Variants in ZFC3H1 observed in about 807,000 individuals in gnomAD.
ZFC3H1 encodes the protein zinc finger C3H1-type containing.
ZFC3H1 carries 71 observed loss-of-function variants against 243.7 expected under a neutral mutation model. The ratio of observed to expected loss-of-function variants is 0.29; its 90% CI spans 0.24 to 0.36. ZFC3H1 has a LOEUF of 0.36. ZFC3H1 is among the 10% of genes least tolerant of loss of function. ZFC3H1 has a pLI of 1.00. For missense variants in ZFC3H1, 1,966 were observed against 2,317.1 expected (o/e 0.85, Z 3.11); for synonymous variants, 838 against 813.0 (o/e 1.03, Z -0.52).
chr12:71,616,524 G>A (rs1010631553), intron 27 of ZFC3H1, among the ~76,000 whole-genome samples: 2 of 152,086 alleles, frequency 1.3e-5, no homozygotes, highest in African/African-American at 4.8e-5. Flanking sequence ...AGGATTATAG[G>A]TCAATCCCAG....
chr12:71,630,910 G>A lies in ZFC3H1; in HGVS notation c.3515C>T (p.Ser1172Leu). 1 of 1,612,486 alleles carries A rather than the reference G, an allele frequency of 6.2e-7. No individual in the cohort carries two copies. The highest frequency in any genetic ancestry group is 8.5e-7 in the Non-Finnish European group (1 of 1,178,988). ...TTCAATCATATTACTGTATGATACT[G>A]AGCTCAGGGGAAGTTTTTCCTTGGT... Reference protein sequence around the residue: ...YRTKEKLPLSSVSYSNMIEPD... With the variant: ...YRTKEKLPLSLVSYSNMIEPD... Residue 1172 changes from serine to leucine, a missense_variant, in exon 17 of 35, where the codon TCA becomes TTA. By Grantham distance (145) the Ser-to-Leu change is moderately radical. Around this residue, in one of 4 missense-constraint regions of ZFC3H1, gnomAD observed 1,383 missense variants for 1,723.7 expected, o/e 0.80. Coordinates refer to ENST00000378743, the MANE Select transcript of ZFC3H1 (RefSeq NM_144982.5).
Position 71,624,204 on chromosome 12 carries a change from G to A in ZFC3H1, c.4406C>T (p.Thr1469Ile). 1 of 1,614,032 alleles carries A rather than the reference G, an allele frequency of 6.2e-7. No individual in the cohort carries two copies. The highest frequency in any genetic ancestry group is 8.5e-7 in the Non-Finnish European group (1 of 1,179,972). Residue 1469 changes from threonine (T) to isoleucine (I), a missense_variant, in exon 23 of 35, where the codon ACA becomes ATA. Thr to Ile is a moderately conservative substitution (Grantham distance 89). Transcript: ENST00000378743. ...EFLMGAAKQE[T>I]SNILSFQLLE... Reference sequence around the variant, plus strand: ...AAGCTGAAAGGACAAAATATTGGATGTTTCCTGCTTGGCTGCTCCCATCAG... The same window carrying A: ...AAGCTGAAAGGACAAAATATTGGATATTTCCTGCTTGGCTGCTCCCATCAG...
Position 71,663,458 on chromosome 12 carries a change from G to C in ZFC3H1, c.153C>G (p.Pro51=). 2 of 1,612,484 alleles carry C rather than the reference G, an allele frequency of 1.2e-6. No homozygotes were observed. Among genetic ancestry groups the C allele is most frequent in the Non-Finnish European group, 1.7e-6 (2 of 1,180,036 alleles). ...SSSSSGGGLL[P]YPRRRPPHSA... ...AGTGAGGAGGCCTTCGCCGCGGATA[G>C]GGTAACAGCCCGCCGCCGCTGCTGC... Residue 51 remains proline, a synonymous_variant, in exon 1 of 35, where the codon CCC becomes CCG. Transcript: ENST00000378743.
In ZFC3H1 at chr12:71,643,569, G is replaced by C. The variant is rs577950965; in HGVS notation, c.1503+526C>G. Among the ~76,000 whole-genome samples the C allele has an allele frequency of 3.4e-4, 51 of 152,022 alleles. 1 individual carries two copies. In the South Asian group the frequency reaches 0.01, roughly 31 times the overall value. Reference sequence around the variant, plus strand: ...TGGGCTTTTTTCTTCTTTTTGGGTGGAGAGGGTAAAAGAAGGGAGGGAGAG... The same window carrying C: ...TGGGCTTTTTTCTTCTTTTTGGGTGCAGAGGGTAAAAGAAGGGAGGGAGAG... On this transcript the variant is annotated intron_variant, in intron 5 of 34. Transcript: ENST00000378743.
At chr12:71,634,669 T>A (rs1485454335) in intron 11 of ZFC3H1, 35 bp downstream of exon 11, 1 of 1,561,644 alleles carries the variant, frequency 6.4e-7, no homozygotes, top group Non-Finnish European at 8.6e-7. Flanking sequence ...AAACATCACA[T>A]ACTTTTAATG....
chr12:71,637,401 C>A (rs1335660339), intron 7 of ZFC3H1, among the ~76,000 whole-genome samples: 1 of 152,052 alleles, frequency 6.6e-6, no homozygotes, highest in Non-Finnish European at 1.5e-5. Context: ...AGATGACTAC[C>A]TGAAAGCAAG....
At chr12:71,623,970 TACTA>T in intron 23 of ZFC3H1, 130 bp downstream of exon 23, 1 of 888,328 alleles carries the variant, frequency 1.1e-6, no homozygotes, top group Non-Finnish European at 1.7e-6. Context: ...TCACATGACT[TACTA>T]GTAAGTGGAA....
chr12:71,624,371 G>A, intron 22 of ZFC3H1, 79 bp from the exon 23 acceptor site: 2 of 1,373,756 alleles, frequency 1.5e-6, no homozygotes, highest in Non-Finnish European at 9.8e-7. Flanking sequence ...ATTTCATTAA[G>A]AAACCATCTC....
At position 71,637,076 on chromosome 12, in the gene ZFC3H1, GAA is replaced by G; in HGVS notation, c.1726-19_1726-18del. On this transcript the variant is annotated intron_variant, in intron 7 of 34. Transcript: ENST00000378743. ...TGGCAGAGACTATTTTTTAAAAAAA[GAA>G]AGAATTACAACGCAAATTTTATCAA... 1 of 1,595,880 alleles carries G rather than the reference GAA, an allele frequency of 6.3e-7. No individual in the cohort carries two copies. The highest frequency in any genetic ancestry group is 2.2e-5 in the East Asian group (1 of 44,740).
In ZFC3H1 at chr12:71,663,659, C is replaced by T. The variant is rs1289678584; in HGVS notation, c.-49G>A. 2 of 1,565,734 alleles carry T rather than the reference C, an allele frequency of 1.3e-6. No individual in the cohort carries two copies. Among genetic ancestry groups the T allele is most frequent in the Non-Finnish European group, 1.7e-6 (2 of 1,157,070 alleles). On this transcript the variant is annotated 5_prime_UTR_variant, in exon 1 of 35. Transcript: ENST00000378743. The stretch of plus-strand genomic sequence containing the variant: ...AACCTTAGCCCTCCGTCCGGGGATC[C>T]GCCCGACAATTGCCTCGTTTCCCTT...
Position 71,633,024 on chromosome 12 carries a change from A to T in ZFC3H1, c.2686-7T>A. 6.3e-7 allele frequency: 1 copy of T among 1,583,776 alleles called. No individual in the cohort carries two copies. Among genetic ancestry groups the T allele is most frequent in the Non-Finnish European group, 8.5e-7 (1 of 1,170,884 alleles). Reference sequence around the variant, plus strand: ...GCTGTTGAACTCTGTGAATCTGAAAAATATAGAATAATCCTGAAAATGTAA... The same window carrying T: ...GCTGTTGAACTCTGTGAATCTGAAATATATAGAATAATCCTGAAAATGTAA... On this transcript the variant is annotated splice_region_variant and splice_polypyrimidine_tract_variant and intron_variant, in intron 13 of 34. Transcript: ENST00000378743.
chr12:71,653,914 G>A (rs1405840643), intron 2 of ZFC3H1, among the ~76,000 whole-genome samples: 1 of 152,190 alleles, frequency 6.6e-6, no homozygotes, highest in Admixed American at 6.5e-5. Context: ...TCAGGAAGCT[G>A]AGGCATGAGA....
chr12:71,623,272 T>G, intron 24 of ZFC3H1, 88 bp downstream of exon 24: 1 of 1,133,416 alleles, frequency 8.8e-7, no homozygotes, highest in Non-Finnish European at 1.2e-6. Flanking sequence ...TTCCACTTAA[T>G]TACAGAGAAT....
intron 11 of ZFC3H1, 110 bp downstream of exon 11, chr12:71,634,594 T>C: frequency 1.6e-6 from 2 of 1,263,436 alleles, no homozygotes; most frequent in East Asian, 2.4e-5. Context: ...ATTAACTCTG[T>C]ATCTTGGATA....
chr12:71,641,958 T>A (rs1048487104), intron 6 of ZFC3H1, among the ~76,000 whole-genome samples: 2 of 152,204 alleles, frequency 1.3e-5, no homozygotes, highest in Non-Finnish European at 2.9e-5. Flanking sequence ...CAAGAAATTC[T>A]CATGCCTTAG....
In ZFC3H1 at chr12:71,631,956, T is replaced by C; in HGVS notation, c.3360+16A>G. On this transcript the variant is annotated intron_variant, in intron 15 of 34. Coordinates refer to ENST00000378743, the MANE Select transcript of ZFC3H1 (RefSeq NM_144982.5). ...TGAATTCCAGATTTTAAAGAAAATATGAAATGTTCAGTTACCTGACCATGC... is the reference window on the plus strand; with the variant it reads ...TGAATTCCAGATTTTAAAGAAAATACGAAATGTTCAGTTACCTGACCATGC... 6.2e-7 allele frequency: 1 copy of C among 1,602,108 alleles called. No homozygotes were observed. Among genetic ancestry groups the C allele is most frequent in the Non-Finnish European group, 8.5e-7 (1 of 1,175,934 alleles).
rs1880402412 is a variant in ZFC3H1, at chr12:71,634,247, TGGG to T, written c.2415_2417del (p.Pro806del). ...CATCAATTTCCACATCAGAGTTTGC[TGGG>T]GATGATGAACTTGTCTTCAGCTGAT... On this transcript the variant is annotated inframe_deletion, in exon 12 of 35. Coordinates refer to ENST00000378743, the MANE Select transcript of ZFC3H1 (RefSeq NM_144982.5). 4.3e-6 allele frequency: 7 copies of T among 1,613,974 alleles called. No individual in the cohort carries two copies. Among genetic ancestry groups the T allele is most frequent in the Non-Finnish European group, 5.9e-6 (7 of 1,179,996 alleles).
chr12:71,626,778 T>C (rs1880178622), intron 21 of ZFC3H1, among the ~76,000 whole-genome samples: 2 of 152,214 alleles, frequency 1.3e-5, no homozygotes, highest in East Asian at 3.8e-4. Flanking sequence ...TTTACACCAT[T>C]TGGGAATGCG....
intron 19 of ZFC3H1, among the ~76,000 whole-genome samples, 154 bp downstream of exon 19, chr12:71,629,455 G>C (rs1280594): frequency 0.96 from 146,281 of 152,022 alleles, 70,632 homozygotes; most frequent in Middle Eastern, 1. Flanking sequence ...GCGTGAGCCA[G>C]CGCACCCAGC....
Sources: gnomAD v4.1 joint callset for allele counts (sites outside exome capture counted in the v4.1 genomes callset) on GRCh38, gnomAD v4.1.1 for gene constraint, gnomAD v4.1.1 regional missense constraint, MANE v1.5 for transcripts, NCBI Gene and HGNC (gene_info 2026-07-23, HGNC 2026-07-21) for gene names.